SLC22A9: variants seen among roughly 807,000 people sequenced by gnomAD.
The protein encoded by SLC22A9 is solute carrier family 22 member 9, also known as organic anion transporter 7.
A neutral mutation model predicts 50.1 loss-of-function variants in SLC22A9; 64 were observed. The ratio of observed to expected loss-of-function variants is 1.28; its 90% CI spans 1.04 to 1.57. The LOEUF (loss-of-function observed/expected upper bound fraction) is 1.57. Ranked by LOEUF, SLC22A9 falls within the 40% of genes most tolerant of loss-of-function variation. SLC22A9 has a pLI of 0.00. For synonymous variants in SLC22A9, 261 were observed against 242.5 expected, an observed-to-expected ratio of 1.08 and a Z score of -0.71; for missense variants, 757 against 676.1, an observed-to-expected ratio of 1.12 and a Z score of -1.33.
intron 5 of SLC22A9, among the ~76,000 whole-genome samples, chr11:63,379,177 G>A (rs572986139): frequency 6.6e-6 from 1 of 152,276 alleles, no homozygotes; most frequent in South Asian, 2.1e-4. Flanking sequence ...CAGAAAGGTA[G>A]ACCAATAGAA....
In SLC22A9 at chr11:63,375,710, T is replaced by C; in HGVS notation, c.896T>C (p.Leu299Pro). 6.2e-7 allele frequency: 1 copy of C among 1,612,674 alleles called. No individual in the cohort carries two copies. Among genetic ancestry groups the C allele is most frequent in the South Asian group, 1.1e-5 (1 of 91,036 alleles). ...NNKPEEGLKE[L>P]RKAAHRSGMK... ...AAACCAGAGGAAGGCTTAAAGGAAC[T>C]TAGAAAAGCTGCACACAGGAGTGGA... The change falls in exon 5 of 10, where the codon CTT becomes CCT. Residue 299 changes from leucine (L) to proline (P), a missense_variant. Transcript: ENST00000279178.
Position 63,370,153 on chromosome 11 carries a change from C to A in SLC22A9, c.97C>A (p.Leu33Ile), listed in dbSNP as rs762014144. ...FLSIFAVATYLHFMLENFTAF... is the reference protein window; with the variant it reads ...FLSIFAVATYIHFMLENFTAF... ...CTCAATCTTTGCTGTTGCTACATAC[C>A]TTCATTTTATGCTGGAGAACTTCAC... Residue 33 changes from leucine (L) to isoleucine (I), a missense_variant, in exon 1 of 10, where the codon CTT becomes ATT. Transcript: ENST00000279178. The A allele has an allele frequency of 2.5e-6, 4 of 1,613,882 alleles. No individual in the cohort carries two copies. Among genetic ancestry groups the A allele is most frequent in the Non-Finnish European group, 3.4e-6 (4 of 1,179,924 alleles).
chr11:63,375,576 T>C (rs2014444970), intron 4 of SLC22A9, 69 bp from the exon 5 acceptor site: 2 of 1,567,458 alleles, frequency 1.3e-6, no homozygotes, highest in South Asian at 1.2e-5. Flanking sequence ...GAAGACATCT[T>C]AAGAAAAAAC....
chr11:63,373,886 T>A lies in SLC22A9; in HGVS notation c.662-8T>A. 1.2e-6 allele frequency: 2 copies of A among 1,612,194 alleles called. No homozygotes were observed. Among genetic ancestry groups the A allele is most frequent in the Non-Finnish European group, 1.7e-6 (2 of 1,179,094 alleles). ...TGAAGTCAAAGCCTTATCTGTTTTT[T>A]CTTCCAGTAGCCGAGTGGGCAACAC... On this transcript the variant is annotated splice_region_variant and splice_polypyrimidine_tract_variant and intron_variant, in intron 3 of 9. Transcript: ENST00000279178.
chr11:63,370,074 C>G lies in SLC22A9; in HGVS notation c.18C>G (p.Leu6=). MAFQD[L]LGHAGDLWRF... is the part of the protein sequence containing the mutation. ...CAACCTCAATGGCCTTTCAGGACCT[C>G]CTGGGTCACGCTGGTGACCTGTGGA... Residue 6 remains leucine (L), a synonymous_variant, in exon 1 of 10, where the codon CTC becomes CTG. Transcript: ENST00000279178. 6 of 1,612,590 alleles carry G rather than the reference C, an allele frequency of 3.7e-6. No homozygotes were observed. Among genetic ancestry groups the G allele is most frequent in the Non-Finnish European group, 5.1e-6 (6 of 1,179,116 alleles).
At chr11:63,394,909 T>C (rs1466576423) in intron 6 of SLC22A9, among the ~76,000 whole-genome samples, 1 of 152,016 alleles carries the variant, frequency 6.6e-6, no homozygotes, top group Non-Finnish European at 1.5e-5. Flanking sequence ...TTTTGGAGGC[T>C]TTGTTCATAT....
At chr11:63,371,857 G>A (rs1161196267) in intron 2 of SLC22A9, among the ~76,000 whole-genome samples, 1 of 152,180 alleles carries the variant, frequency 6.6e-6, no homozygotes, top group Non-Finnish European at 1.5e-5. Flanking sequence ...CTTGCTGTAT[G>A]TCTCCTGACA....
In SLC22A9 at chr11:63,369,922, C is replaced by T; in HGVS notation, c.-135C>T. The stretch of plus-strand genomic sequence containing the variant: ...ACGGTCCTGCTGCAGAGGGGAAGCA[C>T]AGTCGTCAAGAAGAGAGTGGGGTCA... On this transcript the variant is annotated 5_prime_UTR_variant, in exon 1 of 10. Transcript: ENST00000279178. The T allele has an allele frequency of 2.3e-6, 2 of 875,776 alleles. No homozygotes were observed. The highest frequency in any genetic ancestry group is 3.0e-5 in the Admixed American group (1 of 33,094). The allele number at this position is 875,776 out of a possible 1,614,324, so 54.3% of individuals were successfully genotyped here. A position where few individuals can be genotyped will look rare whatever the true frequency, so the allele number is the denominator to read the frequency against.
rs1041597506 is a variant in SLC22A9 at position 63,375,525 on chromosome 11, C to G, written c.831-120C>G. 3.6e-6 allele frequency: 5 copies of G among 1,400,556 alleles called. No individual in the cohort carries two copies. The African/African-American group carries it at 7.2e-5, about 20-fold the overall frequency. The allele number at this position is 1,400,556 out of a possible 1,614,324, so 86.8% of individuals were successfully genotyped here. ...CAAAGAGAATGTGAGTTTACATTTC[C>G]TGGTAAAACCAAACAAGTGGTGGAT... On this transcript the variant is annotated intron_variant, in intron 4 of 9. Coordinates refer to ENST00000279178, the MANE Select transcript of SLC22A9 (RefSeq NM_080866.3).
intron 6 of SLC22A9, among the ~76,000 whole-genome samples, chr11:63,385,928 G>A (rs1275451710): frequency 2.0e-5 from 3 of 152,060 alleles, no homozygotes; most frequent in African/African-American, 7.2e-5. Context: ...TTGTCTGTGG[G>A]TCTGTCATAA....
At chr11:63,371,296 A>T in intron 2 of SLC22A9, 58 bp downstream of exon 2, 2 of 1,317,348 alleles carry the variant, frequency 1.5e-6, no homozygotes, top group Non-Finnish European at 2.2e-6. Flanking sequence ...CTTATGAAAC[A>T]TTATTTCATC....
rs1474026799 is a variant in SLC22A9 at position 63,408,810 on chromosome 11, T to C, written c.1532T>C (p.Phe511Ser). Residue 511 changes from phenylalanine to serine, a missense_variant, in exon 9 of 10, where the codon TTT (phenylalanine) becomes TCT (serine). By Grantham distance (155) the Phe-to-Ser change is radical. Coordinates refer to ENST00000279178, the MANE Select transcript of SLC22A9 (RefSeq NM_080866.3). ...IYGVFPFISG[F>S]AFLLLPETRN... ...GGAGTCTTCCCCTTCATCTCTGGCT[T>C]TGCTTTCCTCCTCCTTCCTGAAACC... 1 of 1,613,868 alleles carries C rather than the reference T, an allele frequency of 6.2e-7. No individual in the cohort carries two copies. The highest frequency in any genetic ancestry group is 1.3e-5 in the African/African-American group (1 of 74,912).
At chr11:63,385,007 T>C (rs11231446) in intron 6 of SLC22A9, among the ~76,000 whole-genome samples, 13,634 of 152,032 alleles carry the variant, frequency 0.09, 857 homozygotes, top group Middle Eastern at 0.18. Context: ...TCCTTGTAAA[T>C]TTAAGTTCCT....
chr11:63,399,316 C>T (rs1012883752), intron 6 of SLC22A9, among the ~76,000 whole-genome samples: 1 of 152,128 alleles, frequency 6.6e-6, no homozygotes, highest in African/African-American at 2.4e-5. Flanking sequence ...TGTACTTCAC[C>T]TGTAAAATTA....
chr11:63,375,608 GAA>G (rs771514584), intron 4 of SLC22A9, 35 bp from the exon 5 acceptor site: 175 of 1,598,292 alleles, frequency 1.1e-4, no homozygotes, highest in Non-Finnish European at 1.4e-4. Flanking sequence ...ATGAGGAAGT[GAA>G]AGTCGACTGC....
intron 6 of SLC22A9, among the ~76,000 whole-genome samples, chr11:63,403,321 T>C (rs1204331220): frequency 6.6e-6 from 1 of 152,050 alleles, no homozygotes; most frequent in East Asian, 1.9e-4. Flanking sequence ...AGTGGGATGA[T>C]ATGTTCAGAG....
intron 6 of SLC22A9, among the ~76,000 whole-genome samples, chr11:63,389,435 G>T (rs112469780): frequency 0.018 from 2,677 of 151,122 alleles, 72 homozygotes; most frequent in African/African-American, 0.062. Flanking sequence ...TGCAGTGTTT[G>T]GTTTTCTGTT....
chr11:63,379,211 T>A (rs561715358), intron 5 of SLC22A9, among the ~76,000 whole-genome samples: 1 of 152,142 alleles, frequency 6.6e-6, no homozygotes, highest in South Asian at 2.1e-4. Context: ...TGAGAAATAA[T>A]GCCATACCTC....
At chr11:63,397,609 C>T (rs1323031998) in intron 6 of SLC22A9, among the ~76,000 whole-genome samples, 1 of 151,982 alleles carries the variant, frequency 6.6e-6, no homozygotes, top group African/African-American at 2.4e-5. Flanking sequence ...AAGTCTTTTC[C>T]ATTCTTCCCA....
Sources: allele counts gnomAD v4.1 joint callset (sites outside exome capture counted in the v4.1 genomes callset), GRCh38; gene constraint gnomAD v4.1.1; transcripts MANE v1.5; gene names NCBI Gene and HGNC (gene_info 2026-07-23, HGNC 2026-07-21).